Variants in CLEC16A observed in about 807,000 individuals in gnomAD.
CLEC16A encodes the protein protein CLEC16A.
CLEC16A carries 51 observed loss-of-function variants against 109.5 expected under a neutral mutation model. The ratio of observed to expected loss-of-function variants is 0.47; its 90% CI spans 0.37 to 0.59. The LOEUF is 0.59. Ranked by LOEUF, CLEC16A falls within the 20% of genes least tolerant of loss-of-function variation. The pLI is 0.00. For missense variants in CLEC16A, 1,339 were observed against 1,394.0 expected, an observed-to-expected ratio of 0.96 and a Z score of 0.63; for synonymous variants, 673 against 564.2, an observed-to-expected ratio of 1.19 and a Z score of -2.73.
chr16:11,177,717 G>T (rs1205297656), intron 23 of CLEC16A, among the ~76,000 whole-genome samples: 1 of 152,168 alleles, frequency 6.6e-6, no homozygotes, highest in East Asian at 1.9e-4. Context: ...CTGCCGGGAA[G>T]CTCGGGACAA....
intron 19 of CLEC16A, among the ~76,000 whole-genome samples, chr16:11,118,591 G>C (rs985545632): frequency 2.0e-5 from 3 of 152,150 alleles, no homozygotes; most frequent in African/African-American, 7.2e-5. Flanking sequence ...ACTGTAAACT[G>C]CCATTAGTCT....
intron 19 of CLEC16A, among the ~76,000 whole-genome samples, chr16:11,089,095 AC>A (rs1354469866): frequency 6.6e-6 from 1 of 151,826 alleles, no homozygotes. Context: ...CTGCACACAT[AC>A]GTATTCCTCT....
intron 10 of CLEC16A, among the ~76,000 whole-genome samples, chr16:11,000,038 A>G (rs1001663485): frequency 5.3e-5 from 8 of 152,190 alleles, no homozygotes; most frequent in East Asian, 3.9e-4. Flanking sequence ...GAGTTTCACT[A>G]TATTGGCCAG....
At chr16:11,010,722 C>G (rs764755833) in intron 11 of CLEC16A, among the ~76,000 whole-genome samples, 8 of 152,160 alleles carry the variant, frequency 5.3e-5, no homozygotes, top group Admixed American at 1.3e-4. Flanking sequence ...TAATGTCTTT[C>G]TAGCATATTC....
At chr16:11,039,597 A>C (rs1388956783) in intron 13 of CLEC16A, among the ~76,000 whole-genome samples, 157 bp from the exon 14 acceptor site, 2 of 152,160 alleles carry the variant, frequency 1.3e-5, no homozygotes, top group Admixed American at 6.6e-5. Context: ...TCCTGTCTCT[A>C]TTAAAAACTA....
intron 7 of CLEC16A, among the ~76,000 whole-genome samples, chr16:10,974,987 T>C (rs7206753): frequency 0.23 from 34,382 of 152,072 alleles, 5,521 homozygotes; most frequent in African/African-American, 0.46. Flanking sequence ...TCCATGCAGA[T>C]TTTCTAGAAA....
intron 22 of CLEC16A, among the ~76,000 whole-genome samples, chr16:11,159,605 C>T (rs2054648271): frequency 6.6e-6 from 1 of 152,264 alleles, no homozygotes; most frequent in South Asian, 2.1e-4. Flanking sequence ...AATGAGGTTC[C>T]ATCTGCAGTC....
intron 23 of CLEC16A, among the ~76,000 whole-genome samples, chr16:11,177,427 C>T (rs540686632): frequency 3.9e-5 from 6 of 152,168 alleles, no homozygotes; most frequent in Non-Finnish European, 8.8e-5. Context: ...ATGGTGAAAC[C>T]TCATCTCTAC....
At chr16:10,965,483 C>T (rs574767236) in intron 3 of CLEC16A, among the ~76,000 whole-genome samples, 1 of 152,216 alleles carries the variant, frequency 6.6e-6, no homozygotes, top group Non-Finnish European at 1.5e-5. Context: ...CCCACCTTCC[C>T]AGTGTATCCT....
At chr16:11,168,267 T>C (rs755830562) in intron 23 of CLEC16A, among the ~76,000 whole-genome samples, 1 of 152,184 alleles carries the variant, frequency 6.6e-6, no homozygotes, top group Non-Finnish European at 1.5e-5. Flanking sequence ...TCAGCCCCTC[T>C]GTCCCTACCC....
chr16:11,067,156 G>GTTT (rs201380415), intron 19 of CLEC16A, among the ~76,000 whole-genome samples: 1 of 125,760 alleles, frequency 8.0e-6, no homozygotes, highest in South Asian at 2.6e-4. Context: ...TGTTGTGGGG[G>GTTT]TTTTTTTTTT....
At chr16:10,947,196 A>G (rs988526463) in intron 1 of CLEC16A, among the ~76,000 whole-genome samples, 1 of 152,198 alleles carries the variant, frequency 6.6e-6, no homozygotes, top group South Asian at 2.1e-4. Context: ...AGATTTGTGT[A>G]TTGGTGGGGG....
intron 10 of CLEC16A, among the ~76,000 whole-genome samples, chr16:10,994,012 G>T (rs567265387): frequency 6.6e-6 from 1 of 152,326 alleles, no homozygotes; most frequent in Non-Finnish European, 1.5e-5. Context: ...GACGTTACCT[G>T]CTCCTCATCT....
At chr16:11,040,167 C>A (rs1410158148) in intron 14 of CLEC16A, 3 of 376,474 alleles carry the variant, frequency 8.0e-6, no homozygotes, top group Non-Finnish European at 1.4e-5. Context: ...TTTTCGCCCC[C>A]ACCCCGCTAT....
intron 19 of CLEC16A, among the ~76,000 whole-genome samples, chr16:11,098,768 G>T (rs1469706576): frequency 6.6e-6 from 1 of 152,210 alleles, no homozygotes; most frequent in Non-Finnish European, 1.5e-5. Flanking sequence ...TCTCGCCCAA[G>T]TGCTGTGTGT....
At position 11,111,704 on chromosome 16, in the gene CLEC16A, C is replaced by G. The variant is rs144420862; in HGVS notation, c.2117-8911C>G. 4.1e-3 allele frequency among the ~76,000 whole-genome samples: 624 copies of G among 152,322 alleles called. 2 individuals are homozygous for G. The highest frequency in any genetic ancestry group is 0.014 in the African/African-American group (591 of 41,564). ...TTCAGACTAGTTTGTCGTAGAAACT[C>G]TGTAACTCAGATTTCCTCTTTTTAT... On this transcript the variant is annotated intron_variant, in intron 19 of 23. Coordinates refer to ENST00000409790, the MANE Select transcript of CLEC16A (RefSeq NM_015226.3).
At chr16:11,138,006 C>G (rs908517498) in intron 22 of CLEC16A, among the ~76,000 whole-genome samples, 2 of 152,300 alleles carry the variant, frequency 1.3e-5, no homozygotes, top group African/African-American at 4.8e-5. Context: ...TGCTGATGGC[C>G]TCTTCAAAGC....
At chr16:11,060,485 G>A (rs1268156050) in intron 18 of CLEC16A, among the ~76,000 whole-genome samples, 6 of 152,190 alleles carry the variant, frequency 3.9e-5, no homozygotes, top group African/African-American at 1.4e-4. Context: ...GTTTGGTTGG[G>A]ACAGACAGAC....
chr16:11,112,495 C>CAAAA (rs984574100), intron 19 of CLEC16A, among the ~76,000 whole-genome samples: 15,148 of 85,274 alleles, frequency 0.18, 1,581 homozygotes, highest in African/African-American at 0.26. Flanking sequence ...CCTATCTCTA[C>CAAAA]AAAAAAAAAA....
Sources: gnomAD v4.1 joint callset for allele counts (sites outside exome capture counted in the v4.1 genomes callset) on GRCh38, gnomAD v4.1.1 for gene constraint, MANE v1.5 for transcripts, NCBI Gene and HGNC (gene_info 2026-07-23, HGNC 2026-07-21) for gene names.